Variants in KTN1 observed in about 807,000 individuals in gnomAD.
The protein encoded by KTN1 is kinectin 1.
In KTN1, 130 loss-of-function variants were observed where a neutral mutation model predicts 222.5. The ratio of observed to expected loss-of-function variants is 0.58; its 90% CI spans 0.51 to 0.68. The LOEUF (loss-of-function observed/expected upper bound fraction) is 0.68, where lower values mean the gene tolerates loss of function less well. Ranked by LOEUF, KTN1 falls within the 30% of genes least tolerant of loss-of-function variation. KTN1 has a pLI of 0.00. For synonymous variants in KTN1, 512 were observed against 496.3 expected (o/e 1.03, Z -0.42); for missense variants, 1,508 against 1,500.4 (o/e 1.01, Z -0.08).
At chr14:55,655,997 T>G in intron 28 of KTN1, 45 bp from the exon 29 acceptor site, 1 of 1,213,442 alleles carries the variant, frequency 8.2e-7, no homozygotes, top group Middle Eastern at 2.0e-4. Context: ...TGGTTTTCCT[T>G]TTTTATGTAC....
chr14:55,679,841 A>G, intron 43 of KTN1, 156 bp downstream of exon 43: 2 of 774,776 alleles, frequency 2.6e-6, no homozygotes, highest in East Asian at 2.7e-5. Context: ...TTGGAGCTTT[A>G]GTTCTATTTT....
Position 55,651,755 on chromosome 14 carries a change from A to G in KTN1, c.2566-135A>G, listed in dbSNP as rs998435477. On this transcript the variant is annotated intron_variant, in intron 24 of 43. Transcript: ENST00000395314. ...GGAGTCAAGAGGAGGTAAACTCAAA[A>G]CACATCTCATTTTGTCATGAAAAAT... is the stretch of plus-strand genomic sequence containing the variant. 6 of 612,502 alleles carry G rather than the reference A, an allele frequency of 9.8e-6. No homozygotes were observed. The African/African-American group carries it at 1.1e-4, about 12-fold the overall frequency. 37.9% of individuals were successfully genotyped at this position (612,502 alleles called of 1,614,324 possible).
intron 20 of KTN1, 38 bp from the exon 21 acceptor site, chr14:55,648,764 G>T (rs1224023231): frequency 1.5e-6 from 2 of 1,331,434 alleles, no homozygotes; most frequent in African/African-American, 2.9e-5. Flanking sequence ...ATTTTTCAGA[G>T]AGTAAAATCA....
At chr14:55,639,361 G>GC in intron 13 of KTN1, 139 bp downstream of exon 13, 1 of 399,316 alleles carries the variant, frequency 2.5e-6, no homozygotes, top group Non-Finnish European at 4.3e-6. Context: ...AGCAACTTTT[G>GC]CTTTTTTTTT....
chr14:55,610,455 T>C lies in KTN1; in HGVS notation c.-30-1564T>C, dbSNP rs145053588. 3.9e-3 allele frequency among the ~76,000 whole-genome samples: 590 copies of C among 152,352 alleles called. 4 individuals carry two copies. The highest frequency in any genetic ancestry group is 0.01 in the African/African-American group (423 of 41,578). On this transcript the variant is annotated intron_variant, in intron 1 of 43. Transcript: ENST00000395314. ...ATTCAATAAACTCACATTTATCCAATTTAAAATCAGGTATTTTCTTAGGTG... is the reference window on the plus strand; with the variant it reads ...ATTCAATAAACTCACATTTATCCAACTTAAAATCAGGTATTTTCTTAGGTG...
At chr14:55,668,765 A>G (rs2045140300) in intron 34 of KTN1, 1 of 152,190 alleles carries the variant, frequency 6.6e-6, no homozygotes, top group African/African-American at 2.4e-5. Flanking sequence ...CATAGAATCA[A>G]CTATTTCTCC....
chr14:55,673,769 C>T (rs935866228), intron 40 of KTN1: 1 of 152,110 alleles, frequency 6.6e-6, no homozygotes, highest in African/African-American at 2.4e-5. Context: ...TCTTTATTAT[C>T]AACATATTAT....
intron 40 of KTN1, chr14:55,675,538 C>G (rs2045819759): frequency 4.4e-6 from 1 of 227,824 alleles, no homozygotes; most frequent in Admixed American, 5.3e-5. Context: ...ATTTCAGTGA[C>G]TGTTATAAAT....
chr14:55,595,165 C>G (rs2034813374), intron 1 of KTN1, among the ~76,000 whole-genome samples: 4 of 147,254 alleles, frequency 2.7e-5, no homozygotes. Flanking sequence ...CAGTATAGAT[C>G]TGTTCCATAT....
At chr14:55,640,477 A>G in intron 15 of KTN1, 35 bp downstream of exon 15, 1 of 1,446,328 alleles carries the variant, frequency 6.9e-7, no homozygotes, top group Non-Finnish European at 9.6e-7. Flanking sequence ...TTGATCTCAG[A>G]ATTTCAATTT....
chr14:55,669,714 T>G (rs913386877), intron 34 of KTN1, among the ~76,000 whole-genome samples: 10 of 152,018 alleles, frequency 6.6e-5, no homozygotes, highest in Admixed American at 5.9e-4. Flanking sequence ...TCTGATAGTG[T>G]ACATTTAGTC....
chr14:55,665,126 A>G lies in KTN1; in HGVS notation c.3177+1085A>G, dbSNP rs537052090. ...TAAATTCGAGATAGCTGAGAGGTATATTGGGACCAGAGAGTAGGAAAATCT... is the reference window on the plus strand; with the variant it reads ...TAAATTCGAGATAGCTGAGAGGTATGTTGGGACCAGAGAGTAGGAAAATCT... On this transcript the variant is annotated intron_variant, in intron 33 of 43. Coordinates refer to ENST00000395314, the MANE Select transcript of KTN1 (RefSeq NM_001079521.2). 3.2e-4 allele frequency among the ~76,000 whole-genome samples: 49 copies of G among 152,066 alleles called. 2 individuals are homozygous for G. In the South Asian group the frequency reaches 3.3e-3, roughly 10 times the overall value.
chr14:55,640,783 G>A (rs894121484), intron 15 of KTN1, 150 bp from the exon 16 acceptor site: 2 of 659,808 alleles, frequency 3.0e-6, no homozygotes, highest in Non-Finnish European at 2.6e-6. Context: ...AAAAAATATC[G>A]AACAGCAAAA....
chr14:55,656,016 A>G, intron 28 of KTN1, 26 bp from the exon 29 acceptor site: 1 of 1,400,042 alleles, frequency 7.1e-7, no homozygotes. Context: ...ACTTTAGTTA[A>G]TGCAGATCTT....
At chr14:55,650,229 G>A (rs1010628195) in intron 22 of KTN1, 99 bp from the exon 23 acceptor site, 3 of 757,478 alleles carry the variant, frequency 4.0e-6, no homozygotes, top group Non-Finnish European at 6.6e-6. Flanking sequence ...AATGGGAAAG[G>A]GTTGATTTGG....
At chr14:55,679,199 A>C (rs1186383817) in intron 42 of KTN1, 1 of 191,560 alleles carries the variant, frequency 5.2e-6, no homozygotes, top group South Asian at 1.2e-4. Flanking sequence ...GCACTTACTT[A>C]CTAAGAGCTC....
At chr14:55,628,051 G>T (rs147276089) in intron 6 of KTN1, 23 bp downstream of exon 6, 2 of 1,357,156 alleles carry the variant, frequency 1.5e-6, no homozygotes, top group African/African-American at 2.9e-5. Context: ...TTATGTACGA[G>T]GGATATACTT....
At chr14:55,633,687 T>C (rs568365254) in intron 8 of KTN1, among the ~76,000 whole-genome samples, 2 of 152,130 alleles carry the variant, frequency 1.3e-5, no homozygotes, top group Admixed American at 1.3e-4. Flanking sequence ...CTTATGAGTT[T>C]ATAAGTTTTA....
intron 1 of KTN1, among the ~76,000 whole-genome samples, chr14:55,598,728 G>C (rs896678076): frequency 6.6e-6 from 1 of 152,120 alleles, no homozygotes; most frequent in African/African-American, 2.4e-5. Flanking sequence ...GGCTTCTATT[G>C]CTAAGTACTA....
Sources: gnomAD v4.1 joint callset for allele counts (sites outside exome capture counted in the v4.1 genomes callset) on GRCh38, gnomAD v4.1.1 for gene constraint, MANE v1.5 for transcripts, NCBI Gene and HGNC (gene_info 2026-07-23, HGNC 2026-07-21) for gene names.